The following HABP4 variants were observed in gnomAD, a reference collection of about 807,000 sequenced individuals.
HABP4 encodes the protein intracellular hyaluronan-binding protein 4.
HABP4 carries 32 observed loss-of-function variants against 44.1 expected under a neutral mutation model. The observed-to-expected ratio is 0.73, with a 90% confidence interval of 0.55 to 0.97. The LOEUF (loss-of-function observed/expected upper bound fraction) is 0.97. HABP4 is among the 50% of genes least tolerant of loss of function. The pLI is 0.00. For missense variants in HABP4, 503 were observed against 561.9 expected, an observed-to-expected ratio of 0.90 and a Z score of 1.06; for synonymous variants, 216 against 218.0, an observed-to-expected ratio of 0.99 and a Z score of 0.08.
chr9:96,450,612 C>CG lies in HABP4; in HGVS notation c.335dup (p.Leu113ProfsTer11). The stretch of plus-strand genomic sequence containing the variant: ...CTCAGCGGCCCGATAGCCCCGGGGG[C>CG]GGCCTGCAGGCGCCGGGTACGCGGG... On this transcript the variant is annotated frameshift_variant, in exon 1 of 8. Transcript: ENST00000375249. LOFTEE classifies it high-confidence loss of function. This position sits in a 1 kb window ranked among gnomAD's most constrained non-coding sequence, Gnocchi z 4.8. The CG allele has an allele frequency of 2.4e-6, 3 of 1,267,878 alleles. No homozygotes were observed. The highest frequency in any genetic ancestry group is 3.0e-6 in the Non-Finnish European group (3 of 1,007,290). 78.5% of individuals were successfully genotyped at this position (1,267,878 alleles called of 1,614,324 possible).
At position 96,450,980 on chromosome 9, in the gene HABP4, C is replaced by T. The variant is rs1319687178; in HGVS notation, c.349+352C>T. ...TCCCACATCCAGACCTGGCGGGGACCTTCATCTTCCAGCCCAGCCTCTGCA... is the reference window on the plus strand; with the variant it reads ...TCCCACATCCAGACCTGGCGGGGACTTTCATCTTCCAGCCCAGCCTCTGCA... On this transcript the variant is annotated intron_variant, in intron 1 of 7. Coordinates refer to ENST00000375249, the MANE Select transcript of HABP4 (RefSeq NM_014282.4). The surrounding 1 kb of genome is among the most constrained non-coding windows in gnomAD (Gnocchi z 4.8). Among the ~76,000 whole-genome samples, 1 of 152,184 alleles carries T rather than the reference C, an allele frequency of 6.6e-6. No homozygotes were observed. Among genetic ancestry groups the T allele is most frequent in the Non-Finnish European group, 1.5e-5 (1 of 68,022 alleles).
At chr9:96,463,941 C>G (rs1298808569) in intron 2 of HABP4, among the ~76,000 whole-genome samples, 4 of 152,130 alleles carry the variant, frequency 2.6e-5, no homozygotes, top group Non-Finnish European at 4.4e-5. Context: ...TTTTTAAAAG[C>G]CTTTCCAAAT....
chr9:96,470,940 C>T, intron 4 of HABP4, 71 bp from the exon 5 acceptor site: 2 of 878,874 alleles, frequency 2.3e-6, no homozygotes, highest in South Asian at 2.9e-5. Flanking sequence ...AATGTTTTCT[C>T]CTTCTTAAAC....
chr9:96,473,690 C>T (rs1165942193), intron 5 of HABP4, among the ~76,000 whole-genome samples: 1 of 152,204 alleles, frequency 6.6e-6, no homozygotes, highest in Non-Finnish European at 1.5e-5. Context: ...TCTCTGGGTT[C>T]ACCATGAGGC....
At chr9:96,471,201 G>A in intron 5 of HABP4, 107 bp downstream of exon 5, 2 of 687,826 alleles carry the variant, frequency 2.9e-6, no homozygotes, top group Non-Finnish European at 5.3e-6. Context: ...GGAGTGCAAT[G>A]GCACAATCTT....
At chr9:96,458,113 A>G (rs3802441) in intron 1 of HABP4, among the ~76,000 whole-genome samples, 41,788 of 151,994 alleles carry the variant, frequency 0.27, 8,135 homozygotes, top group African/African-American at 0.56. Flanking sequence ...TTATTGGGAG[A>G]TGCCTGTAAT....
In HABP4 at chr9:96,450,521, A is replaced by G; in HGVS notation, c.242A>G (p.His81Arg). ...AGGAGCCCAGCCGGGGCCTCGGGCC[A>G]CAGAGCCGGCGCGGGCGGCCGGAGG... Reference protein sequence around the residue: ...GGRSPAGASGHRAGAGGRRES... With the variant: ...GGRSPAGASGRRAGAGGRRES... The change falls in exon 1 of 8, where the codon CAC (histidine) becomes CGC (arginine). Residue 81 changes from histidine (H) to arginine (R), a missense_variant. By Grantham distance (29) the His-to-Arg change is conservative. Around this residue, in one of 3 missense-constraint regions of HABP4, gnomAD observed 290 missense variants for 300.5 expected, o/e 0.97. Transcript: ENST00000375249. The surrounding 1 kb of genome is among the most constrained non-coding windows in gnomAD (Gnocchi z 4.8). 1 of 1,224,408 alleles carries G rather than the reference A, an allele frequency of 8.2e-7. No individual in the cohort carries two copies. The highest frequency in any genetic ancestry group is 3.3e-5 in the East Asian group (1 of 30,618). 75.8% of individuals were successfully genotyped at this position (1,224,408 alleles called of 1,614,324 possible).
chr9:96,453,621 TTTTGCTTTTCCTAGCCTTTCAGAATTA>T (rs1173360091), intron 1 of HABP4, among the ~76,000 whole-genome samples: 7 of 152,222 alleles, frequency 4.6e-5, no homozygotes, highest in Non-Finnish European at 8.8e-5. Flanking sequence ...GCCGTTTCAG[TTTTGCTTTTCCTAGCCTTTCAGAATTA>T]TGTTCTTTGA....
At chr9:96,478,014 A>G (rs1340106202) in intron 5 of HABP4, among the ~76,000 whole-genome samples, 1 of 152,198 alleles carries the variant, frequency 6.6e-6, no homozygotes, top group East Asian at 1.9e-4. Flanking sequence ...TGTGATTTGT[A>G]TCTGTTCATT....
In HABP4 at chr9:96,456,641, T is replaced by C. The variant is rs559356628; in HGVS notation, c.350-1738T>C. 8.0e-5 allele frequency among the ~76,000 whole-genome samples: 12 copies of C among 149,766 alleles called. No homozygotes were observed. In the East Asian group the frequency reaches 2.4e-3, roughly 30 times the overall value. The stretch of plus-strand genomic sequence containing the variant: ...TGGGCGTGGTGGCGGGCGCCTATAG[T>C]CCCAGCTACTGGGGAGGCTGAGGCA... On this transcript the variant is annotated intron_variant, in intron 1 of 7. Transcript: ENST00000375249.
chr9:96,481,903 T>G (rs1832885889), intron 5 of HABP4, among the ~76,000 whole-genome samples: 3 of 152,228 alleles, frequency 2.0e-5, no homozygotes, highest in African/African-American at 7.2e-5. Context: ...AACATTCATA[T>G]TGTGTGTAAC....
intron 2 of HABP4, among the ~76,000 whole-genome samples, chr9:96,464,133 G>C (rs1044810036): frequency 6.6e-6 from 1 of 152,030 alleles, no homozygotes; most frequent in Admixed American, 6.5e-5. Context: ...GGAGTGGCTT[G>C]GGCTCTCGCT....
At chr9:96,460,795 A>G (rs1236353563) in intron 2 of HABP4, among the ~76,000 whole-genome samples, 2 of 152,252 alleles carry the variant, frequency 1.3e-5, no homozygotes, top group Admixed American at 1.3e-4. Flanking sequence ...ATGTGTTCTC[A>G]GCGCATCGCA....
chr9:96,454,738 G>A (rs996094608), intron 1 of HABP4, among the ~76,000 whole-genome samples: 1 of 152,056 alleles, frequency 6.6e-6, no homozygotes, highest in Non-Finnish European at 1.5e-5. Context: ...ATGAGCCACC[G>A]CGCCTGGCCC....
intron 5 of HABP4, among the ~76,000 whole-genome samples, chr9:96,477,053 T>A (rs1278856428): frequency 6.6e-6 from 1 of 152,246 alleles, no homozygotes; most frequent in Non-Finnish European, 1.5e-5. Flanking sequence ...TTGTCCTTTT[T>A]TGATCTAGTT....
At chr9:96,461,475 C>T (rs530762936) in intron 2 of HABP4, among the ~76,000 whole-genome samples, 22 of 151,740 alleles carry the variant, frequency 1.4e-4, no homozygotes, top group Middle Eastern at 3.4e-3. Context: ...AGGAAAAATT[C>T]CTACTGCATT....
intron 1 of HABP4, among the ~76,000 whole-genome samples, chr9:96,455,325 G>A (rs1030823077): frequency 2.7e-5 from 4 of 150,918 alleles, no homozygotes; most frequent in African/African-American, 9.8e-5. Context: ...GGTGGCACAG[G>A]CCTGTAATCC....
intron 2 of HABP4, among the ~76,000 whole-genome samples, chr9:96,459,407 T>TG (rs1390555916): frequency 6.6e-6 from 1 of 152,134 alleles, no homozygotes; most frequent in Non-Finnish European, 1.5e-5. Context: ...GGTGGAGTGT[T>TG]GCGTCGCTGC....
intron 1 of HABP4, among the ~76,000 whole-genome samples, chr9:96,456,780 A>AAAAAAAT (rs1554724388): frequency 6.7e-5 from 3 of 44,768 alleles, no homozygotes; most frequent in African/African-American, 2.7e-4. Flanking sequence ...AAAAAAAAAA[A>AAAAAAAT]ATATATATAT....
Sources: allele counts gnomAD v4.1 joint callset (sites outside exome capture counted in the v4.1 genomes callset), GRCh38; gene constraint gnomAD v4.1.1; regional missense constraint gnomAD v4.1.1; non-coding constraint Gnocchi (gnomAD v3.1); transcripts MANE v1.5; gene names NCBI Gene and HGNC (gene_info 2026-07-23, HGNC 2026-07-21).